Variants in FOXK2 observed in about 807,000 individuals in gnomAD.
FOXK2 encodes forkhead box K2.
In FOXK2, 24 loss-of-function variants were observed where a neutral mutation model predicts 53.3. That is an observed-to-expected ratio of 0.45 (90% CI 0.33 to 0.63). FOXK2 has a LOEUF of 0.63. Ranked by LOEUF, FOXK2 falls within the 30% of genes least tolerant of loss-of-function variation. The pLI, the probability that FOXK2 is intolerant of heterozygous loss-of-function variation, is 0.03. For synonymous variants in FOXK2, 505 were observed against 407.1 expected (o/e 1.24, Z -2.89); for missense variants, 952 against 910.5 (o/e 1.05, Z -0.59).
chr17:82,596,547 G>GCCCTGGTGCCCTCAT (rs1555644203), intron 8 of FOXK2, among the ~76,000 whole-genome samples: 2 of 152,088 alleles, frequency 1.3e-5, no homozygotes, highest in South Asian at 2.1e-4. Flanking sequence ...CGCACTTTCT[G>GCCCTGGTGCCCTCAT]CGGGCAGTCT....
chr17:82,592,562 G>A (rs563134904), intron 8 of FOXK2, among the ~76,000 whole-genome samples: 2 of 152,332 alleles, frequency 1.3e-5, no homozygotes, highest in East Asian at 3.9e-4. Flanking sequence ...TTCACCCTGC[G>A]ACATTCTCCT....
In FOXK2 at chr17:82,603,606, C is replaced by G. The variant is rs2045412606; in HGVS notation, c.*2107C>G. The G allele has an allele frequency of 6.6e-6, 1 of 152,170 alleles. No homozygotes were observed. The highest frequency in any genetic ancestry group is 2.4e-5 in the African/African-American group (1 of 41,424). The allele number at this position is 152,170 out of a possible 1,614,324, so 9.4% of individuals were successfully genotyped here. A position where few individuals can be genotyped will look rare whatever the true frequency, so the allele number is the denominator to read the frequency against. ...TTCCCGTGTAAGCTCAGTCCATAAACTGGTTACTTCTGATCCTGGAACGTG... is the reference window on the plus strand; with the variant it reads ...TTCCCGTGTAAGCTCAGTCCATAAAGTGGTTACTTCTGATCCTGGAACGTG... On this transcript the variant is annotated 3_prime_UTR_variant, in exon 9 of 9. Coordinates refer to ENST00000335255, the MANE Select transcript of FOXK2 (RefSeq NM_004514.4).
chr17:82,535,187 T>G (rs1333869368), intron 1 of FOXK2, among the ~76,000 whole-genome samples: 2 of 152,216 alleles, frequency 1.3e-5, no homozygotes, highest in African/African-American at 4.8e-5. Flanking sequence ...GCCTTGGCCT[T>G]CGTGATTTCT....
At position 82,594,398 on chromosome 17, in the gene FOXK2, T is replaced by G. The variant is rs1217789978; in HGVS notation, c.1787-6905T>G. 2.0e-5 allele frequency among the ~76,000 whole-genome samples: 3 copies of G among 149,408 alleles called. No homozygotes were observed. In the East Asian group the frequency reaches 6.0e-4, roughly 30 times the overall value. ...CTGTAGTCCCAGCTATTCGGGAGGC[T>G]GAGGCAGGAGAATGGCATGAACCCG... On this transcript the variant is annotated intron_variant, in intron 8 of 8. Coordinates refer to ENST00000335255, the MANE Select transcript of FOXK2 (RefSeq NM_004514.4).
intron 1 of FOXK2, among the ~76,000 whole-genome samples, chr17:82,562,516 G>GT (rs2044807735): frequency 6.6e-6 from 1 of 152,016 alleles, no homozygotes; most frequent in South Asian, 2.1e-4. Flanking sequence ...GGAGGTGGAG[G>GT]TTGCAATGAG....
intron 1 of FOXK2, among the ~76,000 whole-genome samples, chr17:82,546,955 T>TA (rs2044631854): frequency 6.6e-6 from 1 of 151,658 alleles, no homozygotes; most frequent in East Asian, 1.9e-4. Flanking sequence ...TGGGTGCCTG[T>TA]AGTCCCAGCT....
At chr17:82,555,971 G>A (rs2044720811) in intron 1 of FOXK2, among the ~76,000 whole-genome samples, 2 of 144,530 alleles carry the variant, frequency 1.4e-5, no homozygotes, top group African/African-American at 2.5e-5. Flanking sequence ...GAACCCCCAC[G>A]CCTGTCATAT....
chr17:82,572,563 T>G (rs2044930723), intron 4 of FOXK2, among the ~76,000 whole-genome samples: 1 of 152,132 alleles, frequency 6.6e-6, no homozygotes, highest in African/African-American at 2.4e-5. Flanking sequence ...TTATGTAGGT[T>G]TTTTCTCTGT....
At chr17:82,587,643 G>A (rs2045204494) in intron 8 of FOXK2, 1 of 327,858 alleles carries the variant, frequency 3.1e-6, no homozygotes, top group South Asian at 2.9e-5. Context: ...GCTGCTGAGG[G>A]TGGGAGAGAG....
intron 8 of FOXK2, 193 bp downstream of exon 8, chr17:82,587,465 G>A: frequency 1.6e-6 from 1 of 607,796 alleles, no homozygotes; most frequent in Non-Finnish European, 2.9e-6. Context: ...ATTCCCGTGG[G>A]AGGACCTGCC....
At position 82,534,373 on chromosome 17, in the gene FOXK2, G is replaced by A. The variant is rs184726604; in HGVS notation, c.419+14066G>A. Among the ~76,000 whole-genome samples, 15 of 152,306 alleles carry A rather than the reference G, an allele frequency of 9.8e-5. No homozygotes were observed. In the East Asian group the frequency reaches 1.9e-3, roughly 20 times the overall value. The stretch of plus-strand genomic sequence containing the variant: ...TGTGTGTCAGGGCACATGACTTGTC[G>A]TACTGCTTGATAGTTGTTGCGGCTC... On this transcript the variant is annotated intron_variant, in intron 1 of 8. Transcript: ENST00000335255.
chr17:82,557,851 C>T (rs1452495359), intron 1 of FOXK2, among the ~76,000 whole-genome samples: 1 of 152,090 alleles, frequency 6.6e-6, no homozygotes, highest in African/African-American at 2.4e-5. Flanking sequence ...GGGGGTCTTG[C>T]TATGTTACTG....
intron 4 of FOXK2, among the ~76,000 whole-genome samples, chr17:82,579,116 C>G (rs1378738766): frequency 6.6e-6 from 1 of 152,196 alleles, no homozygotes; most frequent in Non-Finnish European, 1.5e-5. Context: ...GGAAGTCGTC[C>G]TTCTCAGGCA....
intron 4 of FOXK2, among the ~76,000 whole-genome samples, chr17:82,573,755 C>T (rs2044949935): frequency 6.6e-6 from 1 of 152,202 alleles, no homozygotes; most frequent in African/African-American, 2.4e-5. Flanking sequence ...TACCAGTTAC[C>T]TGGGGCTTTG....
chr17:82,521,603 A>G (rs1264146879), intron 1 of FOXK2, among the ~76,000 whole-genome samples: 1 of 151,568 alleles, frequency 6.6e-6, no homozygotes, highest in Non-Finnish European at 1.5e-5. Context: ...GTGCACCAGC[A>G]TATTCCTTAA....
chr17:82,588,766 C>G (rs1446625462), intron 8 of FOXK2, among the ~76,000 whole-genome samples: 1 of 151,868 alleles, frequency 6.6e-6, no homozygotes, highest in Admixed American at 6.6e-5. Context: ...AAAACCGTAT[C>G]CCTGCCTGGT....
intron 7 of FOXK2, 82 bp from the exon 8 acceptor site, chr17:82,586,981 T>C (rs1452330846): frequency 1.6e-6 from 2 of 1,265,942 alleles, no homozygotes; most frequent in African/African-American, 1.5e-5. Context: ...GTGATAGCTA[T>C]CTGGTTATTA....
At chr17:82,601,201 C>A in intron 8 of FOXK2, 102 bp from the exon 9 acceptor site, 1 of 1,235,086 alleles carries the variant, frequency 8.1e-7, no homozygotes, top group African/African-American at 1.5e-5. Flanking sequence ...CACATGAGAG[C>A]GTGGGGTTCT....
chr17:82,527,455 TC>T (rs1170684667), intron 1 of FOXK2, among the ~76,000 whole-genome samples: 1 of 151,764 alleles, frequency 6.6e-6, no homozygotes, highest in African/African-American at 2.4e-5. Context: ...ATGGCGAAAC[TC>T]CGACTCTACT....
Sources: allele counts gnomAD v4.1 joint callset (sites outside exome capture counted in the v4.1 genomes callset), GRCh38; gene constraint gnomAD v4.1.1; transcripts MANE v1.5; gene names NCBI Gene and HGNC (gene_info 2026-07-23, HGNC 2026-07-21).